Variants in ATP8A1 observed in about 807,000 individuals in gnomAD.
ATP8A1 encodes the protein ATPase phospholipid transporting 8A1.
ATP8A1 carries 90 observed loss-of-function variants against 177.7 expected under a neutral mutation model. The ratio of observed to expected loss-of-function variants is 0.51; its 90% CI spans 0.43 to 0.60. ATP8A1 has a LOEUF of 0.60. Ranked by LOEUF, ATP8A1 falls within the 20% of genes least tolerant of loss-of-function variation. The pLI, the probability that ATP8A1 is intolerant of heterozygous loss-of-function variation, is 0.00. For synonymous variants in ATP8A1, 493 were observed against 485.9 expected (o/e 1.01, Z -0.19); for missense variants, 1,072 against 1,392.8 (o/e 0.77, Z 3.67).
intron 15 of ATP8A1, among the ~76,000 whole-genome samples, chr4:42,557,429 TTG>T (rs1447189082): frequency 6.6e-6 from 1 of 152,214 alleles, no homozygotes; most frequent in African/African-American, 2.4e-5. Flanking sequence ...ACTTTTCTAC[TTG>T]TTAAACAAAT....
intron 17 of ATP8A1, among the ~76,000 whole-genome samples, chr4:42,551,916 G>A (rs1729539925): frequency 6.6e-6 from 1 of 152,062 alleles, no homozygotes; most frequent in Admixed American, 6.5e-5. Flanking sequence ...TTCTAACAAA[G>A]TTCTCATCAA....
At chr4:42,624,908 T>A (rs1289805871) in intron 3 of ATP8A1, among the ~76,000 whole-genome samples, 2 of 152,158 alleles carry the variant, frequency 1.3e-5, no homozygotes, top group East Asian at 3.8e-4. Context: ...AATATAACTA[T>A]TAAAATGATA....
intron 30 of ATP8A1, 25 bp downstream of exon 30, chr4:42,451,956 T>C (rs1328017256): frequency 6.6e-7 from 1 of 1,510,172 alleles, no homozygotes; most frequent in Non-Finnish European, 9.1e-7. Flanking sequence ...AGTCATCTCT[T>C]TGCATTCATA....
chr4:42,477,365 A>G (rs1179711638), intron 25 of ATP8A1, among the ~76,000 whole-genome samples: 1 of 152,216 alleles, frequency 6.6e-6, no homozygotes, highest in African/African-American at 2.4e-5. Flanking sequence ...GTAGGGAAAC[A>G]GCAACTCTAT....
intron 22 of ATP8A1, among the ~76,000 whole-genome samples, chr4:42,516,064 C>A (rs1476217422): frequency 6.6e-6 from 1 of 152,140 alleles, no homozygotes; most frequent in South Asian, 2.1e-4. Context: ...TATTAAGCTC[C>A]AACTTCTGAA....
chr4:42,475,711 TGAG>T (rs1391009129), intron 25 of ATP8A1, among the ~76,000 whole-genome samples: 1 of 152,124 alleles, frequency 6.6e-6, no homozygotes, highest in African/African-American at 2.4e-5. Context: ...CATAACTCTA[TGAG>T]AAGAACAATT....
intron 15 of ATP8A1, among the ~76,000 whole-genome samples, chr4:42,562,726 T>C (rs539055001): frequency 1.6e-4 from 25 of 152,318 alleles, no homozygotes; most frequent in Middle Eastern, 3.4e-3. Context: ...GGGGCAGGTC[T>C]TTCCTGTGCT....
intron 24 of ATP8A1, among the ~76,000 whole-genome samples, chr4:42,501,194 T>C (rs1034049268): frequency 6.6e-6 from 1 of 152,194 alleles, no homozygotes; most frequent in African/African-American, 2.4e-5. Flanking sequence ...AAGTAAAAGA[T>C]GAGGAAATAG....
At chr4:42,621,831 TAC>T (rs1432284020) in intron 4 of ATP8A1, among the ~76,000 whole-genome samples, 1 of 152,112 alleles carries the variant, frequency 6.6e-6, no homozygotes, top group East Asian at 1.9e-4. Context: ...AACTTCAAAC[TAC>T]ACTACAGGGC....
At chr4:42,418,129 T>A (rs1713453659) in intron 35 of ATP8A1, among the ~76,000 whole-genome samples, 2 of 152,310 alleles carry the variant, frequency 1.3e-5, no homozygotes, top group South Asian at 4.1e-4. Context: ...TCAGAAAGGT[T>A]AGAGAGAGCA....
chr4:42,590,585 T>A (rs375670015), intron 7 of ATP8A1, among the ~76,000 whole-genome samples: 1 of 152,172 alleles, frequency 6.6e-6, no homozygotes, highest in East Asian at 1.9e-4. Context: ...AGACTCCTAT[T>A]GATAACAACA....
At chr4:42,608,407 T>C (rs982022237) in intron 5 of ATP8A1, among the ~76,000 whole-genome samples, 1 of 149,936 alleles carries the variant, frequency 6.7e-6, no homozygotes, top group African/African-American at 2.4e-5. Flanking sequence ...TCACCCAGGT[T>C]GGAGTGCAGT....
chr4:42,576,851 G>C (rs574749607), intron 12 of ATP8A1, among the ~76,000 whole-genome samples: 7 of 152,314 alleles, frequency 4.6e-5, no homozygotes, highest in African/African-American at 1.7e-4. Flanking sequence ...ACAGAAGGCG[G>C]GGAATGTTTA....
intron 24 of ATP8A1, among the ~76,000 whole-genome samples, chr4:42,488,038 A>C (rs1722370440): frequency 6.6e-6 from 1 of 152,248 alleles, no homozygotes; most frequent in Admixed American, 6.5e-5. Flanking sequence ...GACTTAAAGA[A>C]GTGAAAAATG....
At chr4:42,443,071 A>G (rs965338821) in intron 33 of ATP8A1, among the ~76,000 whole-genome samples, 1 of 152,218 alleles carries the variant, frequency 6.6e-6, no homozygotes, top group Admixed American at 6.5e-5. Flanking sequence ...GAAATGTCAG[A>G]TGCCCTAATT....
At chr4:42,594,463 T>C (rs141215772) in intron 6 of ATP8A1, 1 of 687,184 alleles carries the variant, frequency 1.5e-6, no homozygotes. Context: ...AAAATGGTTA[T>C]CGGCAAACAA....
At chr4:42,429,386 GT>G (rs74980807) in intron 33 of ATP8A1, among the ~76,000 whole-genome samples, 19 of 146,320 alleles carry the variant, frequency 1.3e-4, no homozygotes, top group South Asian at 4.3e-4. Context: ...AAAGTGTTTT[GT>G]TTTTTTTTTT....
At chr4:42,621,573 G>A (rs1737468373) in intron 4 of ATP8A1, among the ~76,000 whole-genome samples, 1 of 152,140 alleles carries the variant, frequency 6.6e-6, no homozygotes, top group South Asian at 2.1e-4. Flanking sequence ...AATCAGAGAT[G>A]ACAAAACAAA....
rs1318496405 is a variant in ATP8A1, at chr4:42,411,681, AACGTGT to A, written c.*1229_*1234del. On this transcript the variant is annotated 3_prime_UTR_variant, in exon 37 of 37. Coordinates refer to ENST00000381668, the MANE Select transcript of ATP8A1 (RefSeq NM_006095.2). ...ATACTAACAAAAGCTACTCATGATG[AACGTGT>A]CCTCTGACTGTAAAGTTACCGGCCT... 15 of 152,342 alleles carry A rather than the reference AACGTGT, an allele frequency of 9.8e-5. No homozygotes were observed. Among genetic ancestry groups the A allele is most frequent in the African/African-American group, 3.4e-4 (14 of 41,572 alleles). The allele number at this position is 152,342 out of a possible 1,614,324, so 9.4% of individuals were successfully genotyped here. A position where few individuals can be genotyped will look rare whatever the true frequency, so the allele number is the denominator to read the frequency against.
Sources: gnomAD v4.1 joint callset for allele counts (sites outside exome capture counted in the v4.1 genomes callset) on GRCh38, gnomAD v4.1.1 for gene constraint, MANE v1.5 for transcripts, NCBI Gene and HGNC (gene_info 2026-07-23, HGNC 2026-07-21) for gene names.